RASGRP2: variants seen among roughly 807,000 people sequenced by gnomAD.
The protein encoded by RASGRP2 is RAS guanyl releasing protein 2.
RASGRP2 carries 44 observed loss-of-function variants against 71.0 expected under a neutral mutation model. The observed-to-expected ratio is 0.62, with a 90% CI of 0.49 to 0.80. RASGRP2 has a LOEUF of 0.80. Among genes scored for constraint, RASGRP2 ranks in the 30% least tolerant of loss-of-function variants. RASGRP2 has a pLI of 0.00. For missense variants in RASGRP2, 663 were observed against 813.4 expected (o/e 0.82, Z 2.25); for synonymous variants, 350 against 330.7 (o/e 1.06, Z -0.63).
intron 12 of RASGRP2, among the ~76,000 whole-genome samples, chr11:64,733,457 C>A (rs2057829099): frequency 6.6e-6 from 1 of 150,868 alleles, no homozygotes; most frequent in South Asian, 2.1e-4. Context: ...CTGGGGCCTG[C>A]AGGAGGTGGA....
chr11:64,739,860 G>GAT lies in RASGRP2; in HGVS notation c.523-53_523-52dup. 6.2e-7 allele frequency: 1 copy of GAT among 1,610,644 alleles called. No individual in the cohort carries two copies. The highest frequency in any genetic ancestry group is 8.5e-7 in the Non-Finnish European group (1 of 1,178,522). On this transcript the variant is annotated intron_variant, in intron 6 of 16. Transcript: ENST00000394432. This position sits in a 1 kb window ranked among gnomAD's most constrained non-coding sequence, Gnocchi z 4.2. ...CACCTTGCTGGCCTCTCCCCTCACT[G>GAT]ATAGCCACTCCTCACCCTCCAGCTG... is the stretch of plus-strand genomic sequence containing the variant.
At position 64,736,870 on chromosome 11, in the gene RASGRP2, C is replaced by T; in HGVS notation, c.978G>A (p.Arg326=). The T allele has an allele frequency of 6.2e-7, 1 of 1,613,772 alleles. No individual in the cohort carries two copies. Among genetic ancestry groups the T allele is most frequent in the South Asian group, 1.1e-5 (1 of 91,078 alleles). ...LALPDWLDPA[R]TRLNGAKMKQ... is the part of the protein sequence containing the mutation. ...TCATCTTGGCCCCGTTGAGCCGGGT[C>T]CGGGCTGGGTCCAGCCAGTCAGGCA... is the stretch of plus-strand genomic sequence containing the variant. The change falls in exon 9 of 17, where the codon CGG becomes CGA. Residue 326 remains arginine, a synonymous_variant. Coordinates refer to ENST00000394432, the MANE Select transcript of RASGRP2 (RefSeq NM_001098671.2).
rs1565523402 is a variant in RASGRP2 at position 64,743,006 on chromosome 11, C to G, written c.-71-69G>C. The G allele has an allele frequency of 2.1e-6, 3 of 1,462,434 alleles. No individual in the cohort carries two copies. The highest frequency in any genetic ancestry group is 2.7e-6 in the Non-Finnish European group (3 of 1,093,036). The allele number at this position is 1,462,434 out of a possible 1,614,324, so 90.6% of individuals were successfully genotyped here. ...GGGGGAGCGGCCCCGCGGGCAGAAA[C>G]GGGGCGGGGCGGGCACGCCCCCTGC... On this transcript the variant is annotated intron_variant, in intron 1 of 16. Coordinates refer to ENST00000394432, the MANE Select transcript of RASGRP2 (RefSeq NM_001098671.2). This position sits in a 1 kb window ranked among gnomAD's most constrained non-coding sequence, Gnocchi z 4.9.
rs1326711154 is a variant in RASGRP2, at chr11:64,728,986, G to A, written c.1648C>T (p.Arg550Cys). Residue 550 changes from arginine to cysteine, a missense_variant, in exon 15 of 17, where the codon CGC (arginine) becomes TGC (cysteine). Physicochemically the swap from Arg to Cys is radical, Grantham distance 180 (BLOSUM62 -3). Transcript: ENST00000394432. ...TCCAGGCTCACACTCTGGGCCCTGCGCCGACACTCAACTGACAGGCGATCC... is the reference window on the plus strand; with the variant it reads ...TCCAGGCTCACACTCTGGGCCCTGCACCGACACTCAACTGACAGGCGATCC... Reference protein sequence around the residue: ...CKDRLSVECRRRAQSVSLEGS... With the variant: ...CKDRLSVECRCRAQSVSLEGS... 8 of 1,609,250 alleles carry A rather than the reference G, an allele frequency of 5.0e-6. No homozygotes were observed. Among genetic ancestry groups the A allele is most frequent in the African/African-American group, 1.3e-5 (1 of 74,898 alleles).
rs769209768 is a variant in RASGRP2 at position 64,739,991 on chromosome 11, C to T, written c.522+22G>A. The T allele has an allele frequency of 1.1e-5, 18 of 1,613,746 alleles. No individual in the cohort carries two copies. In the East Asian group the frequency reaches 2.5e-4, roughly 22 times the overall value. ...CTTCCAGCCCACATTGGACCCCTGA[C>T]CCCCCAGCCCTCGGGCCGCACCAGG... On this transcript the variant is annotated intron_variant, in intron 6 of 16. Coordinates refer to ENST00000394432, the MANE Select transcript of RASGRP2 (RefSeq NM_001098671.2). This position sits in a 1 kb window ranked among gnomAD's most constrained non-coding sequence, Gnocchi z 4.2.
At chr11:64,729,656 G>C in intron 14 of RASGRP2, 106 bp downstream of exon 14, 1 of 1,378,368 alleles carries the variant, frequency 7.3e-7, no homozygotes, top group Middle Eastern at 1.8e-4. Context: ...TGATTTTAAG[G>C]TACTTCACTC....
chr11:64,735,285 G>C lies in RASGRP2; in HGVS notation c.1297-58C>G, dbSNP rs2057895222. The C allele has an allele frequency of 1.4e-6, 2 of 1,419,320 alleles. No individual in the cohort carries two copies. The highest frequency in any genetic ancestry group is 2.0e-6 in the Non-Finnish European group (2 of 1,004,916). 87.9% of individuals were successfully genotyped at this position (1,419,320 alleles called of 1,614,324 possible). The stretch of plus-strand genomic sequence containing the variant: ...AGAGGGGAGAGTAAAGGGGACATCA[G>C]GTCCTGTCCCTTCCCACGTTCCCAG... On this transcript the variant is annotated intron_variant, in intron 11 of 16. Coordinates refer to ENST00000394432, the MANE Select transcript of RASGRP2 (RefSeq NM_001098671.2). This position sits in a 1 kb window ranked among gnomAD's most constrained non-coding sequence, Gnocchi z 4.2.
chr11:64,743,868 C>T lies in RASGRP2; in HGVS notation c.-72+135G>A. The T allele has an allele frequency of 3.9e-6, 2 of 508,704 alleles. No individual in the cohort carries two copies. The highest frequency in any genetic ancestry group is 5.3e-6 in the Non-Finnish European group (2 of 376,740). The allele number at this position is 508,704 out of a possible 1,614,324, so 31.5% of individuals were successfully genotyped here. On this transcript the variant is annotated intron_variant, in intron 1 of 16. Coordinates refer to ENST00000394432, the MANE Select transcript of RASGRP2 (RefSeq NM_001098671.2). The surrounding 1 kb of genome is among the most constrained non-coding windows in gnomAD (Gnocchi z 4.9). ...CAAGTTATTCGTCGGAGGCCGGGGA[C>T]CTAAGTGGAGGTGCAGGCGTCCGCA...
In RASGRP2 at chr11:64,727,107, G is replaced by T. The variant is rs1420505452; in HGVS notation, c.*31C>A. 7 of 584,722 alleles carry T rather than the reference G, an allele frequency of 1.2e-5. No homozygotes were observed. The highest frequency in any genetic ancestry group is 1.1e-4 in the African/African-American group (6 of 54,072). 36.2% of individuals were successfully genotyped at this position (584,722 alleles called of 1,614,324 possible). On this transcript the variant is annotated 3_prime_UTR_variant, in exon 17 of 17. Transcript: ENST00000394432. ...GGTTGAAGTATTTTCTCCAAGGCAG[G>T]AATGAGTCCTTGATCCAACCACAGC...
rs748245345 is a variant in RASGRP2 at position 64,744,064 on chromosome 11, A to T, written c.-133T>A. ...AGGTCGCCTCCTGGACGTGCTGTTCACTTGAGCCAGGCCAGCCTTGAGTCC... is the reference window on the plus strand; with the variant it reads ...AGGTCGCCTCCTGGACGTGCTGTTCTCTTGAGCCAGGCCAGCCTTGAGTCC... On this transcript the variant is annotated 5_prime_UTR_variant, in exon 1 of 17. An upstream open reading frame in the 5' UTR loses its in-frame stop. Coordinates refer to ENST00000394432, the MANE Select transcript of RASGRP2 (RefSeq NM_001098671.2). The T allele has an allele frequency of 5.2e-5, 51 of 987,928 alleles. No homozygotes were observed. The highest frequency in any genetic ancestry group is 1.2e-4 in the Admixed American group (2 of 16,282). The allele number at this position is 987,928 out of a possible 1,614,324, so 61.2% of individuals were successfully genotyped here.
rs753014230 is a variant in RASGRP2, at chr11:64,730,039, A to G, written c.1554+14T>C. 2 of 1,549,388 alleles carry G rather than the reference A, an allele frequency of 1.3e-6. No individual in the cohort carries two copies. Among genetic ancestry groups the G allele is most frequent in the Admixed American group, 2.0e-5 (1 of 51,152 alleles). On this transcript the variant is annotated intron_variant, in intron 13 of 16. Transcript: ENST00000394432. ...GGCGTGGCTTGGGCCGTGAGCCGGG[A>G]AAGGGACTCTCACCAGGGCTTTGCA...
Position 64,740,163 on chromosome 11 carries a change from G to A in RASGRP2, c.372C>T (p.Val124=), listed in dbSNP as rs375736530. ...RHSSLIDIDS[V]PTYKWKRQVT... is the part of the protein sequence containing the mutation. ...CCTGCCGCTTCCACTTGTAGGTAGG[G>A]CTGGGGGGGCAGGGGTAGTGAGCCC... Residue 124 remains valine (V), a splice_region_variant and synonymous_variant, in exon 6 of 17, where the codon GTC becomes GTT. Transcript: ENST00000394432. 3 of 1,614,060 alleles carry A rather than the reference G, an allele frequency of 1.9e-6. No homozygotes were observed. Among genetic ancestry groups the A allele is most frequent in the African/African-American group, 2.7e-5 (2 of 75,018 alleles).
chr11:64,742,044 G>T lies in RASGRP2; in HGVS notation c.142C>A (p.Pro48Thr), dbSNP rs1038937851. ...MFLMMHPWYI[P>T]SSQLAAKLLH... is the part of the protein sequence containing the mutation. The stretch of plus-strand genomic sequence containing the variant: ...AGCTTGGCCGCCAGCTGAGAGGAGG[G>T]GATGTACCAGGGGTGCATCATGAGG... The change falls in exon 3 of 17, where the codon CCC (proline) becomes ACC (threonine). Residue 48 changes from proline (P) to threonine (T), a missense_variant. Transcript: ENST00000394432. This position sits in a 1 kb window ranked among gnomAD's most constrained non-coding sequence, Gnocchi z 4.7. The T allele has an allele frequency of 6.2e-7, 1 of 1,611,918 alleles. No individual in the cohort carries two copies. The highest frequency in any genetic ancestry group is 2.2e-5 in the East Asian group (1 of 44,804).
rs1396040131 is a variant in RASGRP2, at chr11:64,739,806, G to C, written c.526C>G (p.Gln176Glu). Reference sequence around the variant, plus strand: ...TGAGTCACGAAACTGTGATAGTCCTGAAACTGGGGGCATGAGGAGTGGCCT... The same window carrying C: ...TGAGTCACGAAACTGTGATAGTCCTCAAACTGGGGGCATGAGGAGTGGCCT... Reference protein sequence around the residue: ...EYRSFCKILFQDYHSFVTHGC... With the variant: ...EYRSFCKILFEDYHSFVTHGC... The change falls in exon 7 of 17, where the codon CAG becomes GAG. Residue 176 changes from glutamine to glutamate, a missense_variant. Gln to Glu is a conservative substitution (Grantham distance 29). Transcript: ENST00000394432. This position sits in a 1 kb window ranked among gnomAD's most constrained non-coding sequence, Gnocchi z 4.2. 1 of 1,613,626 alleles carries C rather than the reference G, an allele frequency of 6.2e-7. No homozygotes were observed. The highest frequency in any genetic ancestry group is 8.5e-7 in the Non-Finnish European group (1 of 1,179,908).
rs1218894374 is a variant in RASGRP2 at position 64,742,549 on chromosome 11, G to A, written c.73+245C>T. The A allele has an allele frequency of 1.7e-5, 10 of 604,276 alleles. No homozygotes were observed. The highest frequency in any genetic ancestry group is 2.6e-5 in the Non-Finnish European group (9 of 340,132). 37.4% of individuals were successfully genotyped at this position (604,276 alleles called of 1,614,324 possible). On this transcript the variant is annotated intron_variant, in intron 2 of 16. Coordinates refer to ENST00000394432, the MANE Select transcript of RASGRP2 (RefSeq NM_001098671.2). This position sits in a 1 kb window ranked among gnomAD's most constrained non-coding sequence, Gnocchi z 4.7. ...CAGATAATGCCCCTCAAGTGTCAGA[G>A]TCCGGGACCCGGCCCTCCCTTCGCC...
intron 14 of RASGRP2, 101 bp from the exon 15 acceptor site, chr11:64,729,143 G>T: frequency 8.2e-7 from 1 of 1,222,976 alleles, no homozygotes; most frequent in East Asian, 2.5e-5. Context: ...CTTTGTTCCT[G>T]AGCAGCTGCC....
chr11:64,727,205 C>A, intron 16 of RASGRP2, 74 bp from the exon 17 acceptor site: 1 of 1,170,274 alleles, frequency 8.5e-7, no homozygotes. Flanking sequence ...GGCTTGGAGC[C>A]ATTTGGATAA....
chr11:64,744,473 A>T (rs1304836251), upstream of RASGRP2: 2 of 227,732 alleles, frequency 8.8e-6, no homozygotes, highest in African/African-American at 4.7e-5. Context: ...GGGAGCCTCA[A>T]TTTTCTCATC....
At position 64,730,154 on chromosome 11, in the gene RASGRP2, G is replaced by A. The variant is rs1166513423; in HGVS notation, c.1453C>T (p.Leu485=). Residue 485 remains leucine (L), a synonymous_variant, in exon 13 of 17, where the codon CTG becomes TTG. Coordinates refer to ENST00000394432, the MANE Select transcript of RASGRP2 (RefSeq NM_001098671.2). Reference sequence around the variant, plus strand: ...CCCCCCAACACAGAGCTGGAGCGCAGGAAATAGGAAACCATCTCCTCCCTG... The same window carrying A: ...CCCCCCAACACAGAGCTGGAGCGCAAGAAATAGGAAACCATCTCCTCCCTG... ...ISREEMVSYF[L]RSSSVLGGRM... 1 of 1,551,644 alleles carries A rather than the reference G, an allele frequency of 6.4e-7. No individual in the cohort carries two copies. The highest frequency in any genetic ancestry group is 8.7e-7 in the Non-Finnish European group (1 of 1,147,016).
Sources: allele counts gnomAD v4.1 joint callset (sites outside exome capture counted in the v4.1 genomes callset), GRCh38; gene constraint gnomAD v4.1.1; non-coding constraint Gnocchi (gnomAD v3.1); transcripts MANE v1.5; gene names NCBI Gene and HGNC (gene_info 2026-07-23, HGNC 2026-07-21).